The following CLTRN variants were observed in gnomAD, a reference collection of about 807,000 sequenced individuals.
CLTRN encodes collectrin, amino acid transport regulator.
CLTRN carries 12 observed loss-of-function variants against 14.5 expected under a neutral mutation model. That is an observed-to-expected ratio of 0.83 (90% CI 0.53 to 1.34). The LOEUF (loss-of-function observed/expected upper bound fraction) is 1.34. CLTRN is among the 40% of genes most tolerant of loss of function. The pLI, the probability that CLTRN is intolerant of heterozygous loss-of-function variation, is 0.00. For missense variants in CLTRN, 154 were observed against 165.1 expected (o/e 0.93, Z 0.37); for synonymous variants, 58 against 56.5 (o/e 1.03, Z -0.12).
chrX:15,639,908 G>A (rs1253653264), intron 4 of CLTRN, 152 bp from the exon 5 acceptor site: 5 of 529,362 alleles, frequency 9.4e-6, no homozygotes, highest in Non-Finnish European at 1.5e-5. Context: ...AAAGTTTGCT[G>A]AGGGCAATCA....
chrX:15,648,665 G>T (rs1048813807), intron 3 of CLTRN, among the ~76,000 whole-genome samples: 4 of 110,476 alleles, frequency 3.6e-5, no homozygotes, highest in African/African-American at 1.3e-4. Context: ...ACAAAAATTA[G>T]CTAGGCATGG....
intron 3 of CLTRN, among the ~76,000 whole-genome samples, chrX:15,652,786 GA>G (rs1181809218): frequency 8.9e-6 from 1 of 111,837 alleles, no homozygotes; most frequent in Non-Finnish European, 1.9e-5. Context: ...AATATACAAT[GA>G]AAATAAAAAA....
chrX:15,641,500 ATGTT>A (rs772475154), intron 4 of CLTRN, among the ~76,000 whole-genome samples: 6 of 111,581 alleles, frequency 5.4e-5, no homozygotes, highest in East Asian at 2.8e-4. Context: ...TTGACTTTGC[ATGTT>A]TGTTTGTTTG....
intron 3 of CLTRN, among the ~76,000 whole-genome samples, chrX:15,656,771 AAC>A (rs1414494050): frequency 9.0e-6 from 1 of 110,697 alleles, no homozygotes; most frequent in Non-Finnish European, 1.9e-5. Flanking sequence ...TTGCATCTTA[AAC>A]ACATCTCGCT....
At chrX:15,672,010 T>C (rs934237385) in intron 1 of CLTRN, among the ~76,000 whole-genome samples, 1 of 111,590 alleles carries the variant, frequency 9.0e-6, no homozygotes, top group Non-Finnish European at 1.9e-5. Flanking sequence ...TCATCAAATT[T>C]TGTAGGTTAA....
chrX:15,637,189 G>C (rs752958161), intron 5 of CLTRN, among the ~76,000 whole-genome samples: 1 of 111,359 alleles, frequency 9.0e-6, no homozygotes, highest in African/African-American at 3.3e-5. Context: ...CAAAAACTAT[G>C]TTCATTATTA....
chrX:15,646,698 T>C (rs2147203610), intron 3 of CLTRN: 1 of 340,710 alleles, frequency 2.9e-6, no homozygotes, highest in Middle Eastern at 4.4e-4. Flanking sequence ...GGCCTGGAGG[T>C]GCTTTCCCAA....
intron 3 of CLTRN, among the ~76,000 whole-genome samples, chrX:15,655,910 C>G (rs895838972): frequency 8.1e-5 from 9 of 111,788 alleles, no homozygotes; most frequent in African/African-American, 2.6e-4. Context: ...GGGATGCAAA[C>G]AAGAATATCA....
intron 3 of CLTRN, among the ~76,000 whole-genome samples, chrX:15,655,188 C>T (rs1413318225): frequency 1.8e-5 from 2 of 112,151 alleles, no homozygotes; most frequent in African/African-American, 3.2e-5. Context: ...TGCTCCCCTC[C>T]ACCATGCTTC....
intron 5 of CLTRN, among the ~76,000 whole-genome samples, chrX:15,634,046 A>G (rs1569248760): frequency 8.9e-6 from 1 of 112,141 alleles, no homozygotes; most frequent in Non-Finnish European, 1.9e-5. Context: ...GATCTTAGAT[A>G]CAACTAAGGT....
Position 15,671,621 on chromosome X carries a change from G to A in CLTRN, c.-506+3368C>T, listed in dbSNP as rs959915452. ...AATGACACAGAGAAGGACAATGGGAGATGGGAAGGACATTCCCTGACAGTG... is the reference window on the plus strand; with the variant it reads ...AATGACACAGAGAAGGACAATGGGAAATGGGAAGGACATTCCCTGACAGTG... On this transcript the variant is annotated intron_variant, in intron 1 of 6. Coordinates refer to the CLTRN transcript ENST00000650271. Among the ~76,000 whole-genome samples the A allele has an allele frequency of 7.2e-5, 8 of 111,743 alleles. No homozygotes were observed. The East Asian group carries it at 2.2e-3, about 31-fold the overall frequency.
chrX:15,665,936 C>A (rs1929612198), upstream of CLTRN, among the ~76,000 whole-genome samples: 1 of 111,582 alleles, frequency 9.0e-6, no homozygotes, highest in Admixed American at 9.5e-5. Flanking sequence ...AACCCTGTCT[C>A]CACCACACCC....
chrX:15,655,668 T>C (rs1052586139), intron 3 of CLTRN, among the ~76,000 whole-genome samples: 1 of 111,778 alleles, frequency 8.9e-6, no homozygotes, highest in Middle Eastern at 4.2e-3. Context: ...CCATGAGACT[T>C]CTCTGGCTAA....
At chrX:15,674,286 GCAAA>G (rs1348149045) in intron 1 of CLTRN, among the ~76,000 whole-genome samples, 1 of 111,968 alleles carries the variant, frequency 8.9e-6, no homozygotes, top group African/African-American at 3.3e-5. Context: ...GCAGGGGGCT[GCAAA>G]CAGAGGTCTG....
chrX:15,656,034 C>T (rs1245550348), intron 3 of CLTRN, among the ~76,000 whole-genome samples: 1 of 111,682 alleles, frequency 9.0e-6, no homozygotes, highest in African/African-American at 3.3e-5. Context: ...ATTCCCAGCC[C>T]TGTTCAAGTC....
intron 5 of CLTRN, among the ~76,000 whole-genome samples, chrX:15,629,929 A>G (rs1305356801): frequency 9.0e-6 from 1 of 111,197 alleles, no homozygotes; most frequent in Non-Finnish European, 1.9e-5. Flanking sequence ...ATTTGTTTTG[A>G]CCTGAATCTC....
chrX:15,645,111 A>G, intron 3 of CLTRN, 82 bp from the exon 4 acceptor site: 1 of 503,604 alleles, frequency 2.0e-6, no homozygotes, highest in Non-Finnish European at 3.3e-6. Context: ...TGCTACTACT[A>G]TCTTAAGAGA....
At chrX:15,653,179 G>A (rs1468006035) in intron 3 of CLTRN, among the ~76,000 whole-genome samples, 1 of 111,205 alleles carries the variant, frequency 9.0e-6, no homozygotes, top group African/African-American at 3.3e-5. Context: ...GGAAGTTTGG[G>A]GTTTTTTTTC....
At chrX:15,652,942 G>A (rs991530062) in intron 3 of CLTRN, among the ~76,000 whole-genome samples, 13 of 110,871 alleles carry the variant, frequency 1.2e-4, no homozygotes, top group African/African-American at 4.3e-4. Context: ...TTAGCCAGGC[G>A]TTGTGGCAGG....
Sources: allele counts gnomAD v4.1 joint callset (sites outside exome capture counted in the v4.1 genomes callset), GRCh38; gene constraint gnomAD v4.1.1; transcripts MANE v1.5; gene names NCBI Gene and HGNC (gene_info 2026-07-23, HGNC 2026-07-21).